Variants in IFNLR1 observed in about 807,000 individuals in gnomAD.
IFNLR1 encodes the protein CRF2-12.
In IFNLR1, 28 loss-of-function variants were observed where a neutral mutation model predicts 52.5. The observed-to-expected ratio is 0.53, with a 90% CI of 0.40 to 0.73. The LOEUF (loss-of-function observed/expected upper bound fraction) is 0.73, where lower values mean the gene tolerates loss of function less well. Ranked by LOEUF, IFNLR1 falls within the 30% of genes least tolerant of loss-of-function variation. The pLI, the probability that IFNLR1 is intolerant of heterozygous loss-of-function variation, is 0.00. For synonymous variants in IFNLR1, 276 were observed against 274.9 expected (o/e 1.00, Z -0.04); for missense variants, 623 against 659.1 (o/e 0.95, Z 0.60).
At position 24,157,206 on chromosome 1, in the gene IFNLR1, G is replaced by A. The variant is rs575575280; in HGVS notation, c.1487C>T (p.Ala496Val). The change falls in exon 7 of 7, where the codon GCG (alanine) becomes GTG (valine). Residue 496 changes from alanine to valine, a missense_variant. Transcript: ENST00000327535. The surrounding 1 kb of genome is among the most constrained non-coding windows in gnomAD (Gnocchi z 5.1). ...GGTGCTCTCAGCCCCCCAGCTGCCC[G>A]CATCGCTGTCCTCAATTTCTGATTC... ...ARESEIEDSD[A>V]GSWGAESTQR... 1.6e-5 allele frequency: 26 copies of A among 1,614,134 alleles called. No individual in the cohort carries two copies. Among genetic ancestry groups the A allele is most frequent in the African/African-American group, 9.3e-5 (7 of 75,030 alleles).
Position 24,157,151 on chromosome 1 carries a change from C to A in IFNLR1, c.1542G>T (p.Leu514Phe), listed in dbSNP as rs753765346. 1 of 1,612,032 alleles carries A rather than the reference C, an allele frequency of 6.2e-7. No individual in the cohort carries two copies. Among genetic ancestry groups the A allele is most frequent in the African/African-American group, 1.3e-5 (1 of 75,004 alleles). Residue 514 changes from leucine (L) to phenylalanine (F), a missense_variant, in exon 7 of 7, where the codon TTG (leucine) becomes TTT (phenylalanine). By Grantham distance (22) the Leu-to-Phe change is conservative (BLOSUM62 0). Transcript: ENST00000327535. This position sits in a 1 kb window ranked among gnomAD's most constrained non-coding sequence, Gnocchi z 5.1. ...CAGCTCACCTGGCCATGTAATGCCC[C>A]AATGTCCGGCCCCTGTCCTCGGTCC... is the stretch of plus-strand genomic sequence containing the variant. ...TQRTEDRGRT[L>F]GHYMAR
chr1:24,169,577 G>C lies in IFNLR1; in HGVS notation c.207C>G (p.Arg69=). Reference sequence around the variant, plus strand: ...TGGTTCCCGCACACTCTTCCACTTCGCGCCACCGTCTACGGGTGGGAGAGC... The same window carrying C: ...TGGTTCCCGCACACTCTTCCACTTCCCGCCACCGTCTACGGGTGGGAGAGC... ...YQSSPTRRRW[R]EVEECAGTKE... is the part of the protein sequence containing the mutation. The change falls in exon 3 of 7, where the codon CGC becomes CGG. Residue 69 remains arginine (R), a synonymous_variant. Coordinates refer to ENST00000327535, the MANE Select transcript of IFNLR1 (RefSeq NM_170743.4). 1 of 1,613,902 alleles carries C rather than the reference G, an allele frequency of 6.2e-7. No individual in the cohort carries two copies. The highest frequency in any genetic ancestry group is 8.5e-7 in the Non-Finnish European group (1 of 1,179,890).
intron 4 of IFNLR1, among the ~76,000 whole-genome samples, chr1:24,160,481 A>G (rs1644430986): frequency 6.6e-6 from 1 of 152,210 alleles, no homozygotes; most frequent in African/African-American, 2.4e-5. Flanking sequence ...TTTTTACTTA[A>G]TTTAACATGG....
At chr1:24,161,883 A>G (rs1201774205) in intron 3 of IFNLR1, among the ~76,000 whole-genome samples, 199 bp from the exon 4 acceptor site, 1 of 152,200 alleles carries the variant, frequency 6.6e-6, no homozygotes, top group Non-Finnish European at 1.5e-5. Flanking sequence ...CATTTCATAG[A>G]GAGGAAAACT....
At chr1:24,172,356 AACTGGAACCTGAT>A (rs1192138379) in intron 2 of IFNLR1, among the ~76,000 whole-genome samples, 1 of 152,186 alleles carries the variant, frequency 6.6e-6, no homozygotes. Context: ...AACAGATCAA[AACTGGAACCTGAT>A]ACTTCAAAAT....
intron 4 of IFNLR1, chr1:24,161,246 T>C (rs546425379): frequency 3.6e-6 from 2 of 552,932 alleles, no homozygotes; most frequent in East Asian, 3.0e-5. Context: ...AAATCTGAAA[T>C]TGGATATACA....
chr1:24,186,160 A>G (rs746767698), intron 1 of IFNLR1, among the ~76,000 whole-genome samples: 1 of 152,092 alleles, frequency 6.6e-6, no homozygotes, highest in Non-Finnish European at 1.5e-5. Flanking sequence ...TCAGCCACAG[A>G]GAACGCTGCT....
intron 5 of IFNLR1, 141 bp from the exon 6 acceptor site, chr1:24,159,323 T>C (rs4649194): frequency 1 from 1,275,367 of 1,277,126 alleles, 636,809 homozygotes; most frequent in East Asian, 1. Context: ...AACCAAGGTT[T>C]GGGGCATTAT....
chr1:24,172,458 A>G (rs1259717740), intron 2 of IFNLR1, among the ~76,000 whole-genome samples: 3 of 152,142 alleles, frequency 2.0e-5, no homozygotes, highest in Admixed American at 6.5e-5. Context: ...GACACAGAAA[A>G]GAATTATATA....
At chr1:24,162,864 TTTCTTTCTTTCTTTCC>T (rs1644472769) in intron 3 of IFNLR1, among the ~76,000 whole-genome samples, 1 of 74,790 alleles carries the variant, frequency 1.3e-5, no homozygotes, top group Admixed American at 1.3e-4. Flanking sequence ...TCTTTCTTTC[TTTCTTTCTTTCTTTCC>T]TTCCTTCCTT....
intron 6 of IFNLR1, 75 bp downstream of exon 6, chr1:24,158,977 C>A: frequency 6.9e-7 from 1 of 1,447,936 alleles, no homozygotes; most frequent in Non-Finnish European, 9.5e-7. Context: ...TCTATCTGAA[C>A]AACTCATAGC....
chr1:24,173,803 C>A (rs1644605330), intron 2 of IFNLR1, among the ~76,000 whole-genome samples: 1 of 149,638 alleles, frequency 6.7e-6, no homozygotes, highest in Non-Finnish European at 1.5e-5. Flanking sequence ...TGTACGCCAC[C>A]ATGCCTGGCT....
Position 24,156,931 on chromosome 1 carries a change from A to G in IFNLR1, c.*199T>C. The stretch of plus-strand genomic sequence containing the variant: ...GTCCACCCCTCTTATAGCTCAGCCT[A>G]AAGAGGGCGGGTCACAGGAGGGAGG... On this transcript the variant is annotated 3_prime_UTR_variant, in exon 7 of 7. Coordinates refer to ENST00000327535, the MANE Select transcript of IFNLR1 (RefSeq NM_170743.4). 4.9e-6 allele frequency: 3 copies of G among 612,210 alleles called. No homozygotes were observed. The highest frequency in any genetic ancestry group is 8.5e-6 in the Non-Finnish European group (3 of 351,816). 37.9% of individuals were successfully genotyped at this position (612,210 alleles called of 1,614,324 possible). A position where few individuals can be genotyped will look rare whatever the true frequency, so the allele number is the denominator to read the frequency against.
Position 24,157,374 on chromosome 1 carries a change from A to G in IFNLR1, c.1319T>C (p.Leu440Pro), listed in dbSNP as rs1466876385. Residue 440 changes from leucine (L) to proline (P), a missense_variant, in exon 7 of 7, where the codon CTC becomes CCC. Transcript: ENST00000327535. This position sits in a 1 kb window ranked among gnomAD's most constrained non-coding sequence, Gnocchi z 5.1. ...CCAGGAGGAGAGGTTATCTTCTGGGAGCTCTTCCAGGAAACCCGAGTCCTT... is the reference window on the plus strand; with the variant it reads ...CCAGGAGGAGAGGTTATCTTCTGGGGGCTCTTCCAGGAAACCCGAGTCCTT... ...FSKDSGFLEE[L>P]PEDNLSSWAT... 6.2e-7 allele frequency: 1 copy of G among 1,613,882 alleles called. No homozygotes were observed. The highest frequency in any genetic ancestry group is 8.5e-7 in the Non-Finnish European group (1 of 1,180,022).
intron 1 of IFNLR1, among the ~76,000 whole-genome samples, chr1:24,183,854 A>C (rs1004284552): frequency 8.5e-5 from 13 of 152,212 alleles, no homozygotes; most frequent in African/African-American, 2.9e-4. Flanking sequence ...CTCAGCCTCC[A>C]GAGTAGCTGG....
intron 2 of IFNLR1, among the ~76,000 whole-genome samples, chr1:24,170,912 C>T (rs771858244): frequency 1.3e-5 from 2 of 152,140 alleles, no homozygotes; most frequent in African/African-American, 2.4e-5. Context: ...ACACAAAGAT[C>T]AGATTTTGAG....
rs190772587 is a variant in IFNLR1, at chr1:24,166,702, G to A, written c.367+2715C>T. 4.9e-3 allele frequency among the ~76,000 whole-genome samples: 745 copies of A among 150,936 alleles called. 6 individuals are homozygous for A. The highest frequency in any genetic ancestry group is 0.017 in the African/African-American group (711 of 41,192). On this transcript the variant is annotated intron_variant, in intron 3 of 6. Transcript: ENST00000327535. ...GCTGGGACCACAGGTGCCCACCACC[G>A]TACCCAGCGAATTTAATTTTTTTTT...
intron 4 of IFNLR1, 95 bp from the exon 5 acceptor site, chr1:24,159,728 T>TTTTTTTTTTTTGTTTTG (rs1644421772): frequency 2.0e-5 from 16 of 814,436 alleles, no homozygotes; most frequent in African/African-American, 4.6e-5. Flanking sequence ...GGTAGGGTGT[T>TTTTTTTTTTTTGTTTTG]TTTTTTTTGT....
At chr1:24,176,457 T>C (rs988380900) in intron 2 of IFNLR1, among the ~76,000 whole-genome samples, 1 of 152,246 alleles carries the variant, frequency 6.6e-6, no homozygotes, top group African/African-American at 2.4e-5. Flanking sequence ...TTGTATACTT[T>C]AAAATGGGAA....
Sources: gnomAD v4.1 joint callset for allele counts (sites outside exome capture counted in the v4.1 genomes callset) on GRCh38, gnomAD v4.1.1 for gene constraint, Gnocchi (gnomAD v3.1) non-coding constraint, MANE v1.5 for transcripts, NCBI Gene and HGNC (gene_info 2026-07-23, HGNC 2026-07-21) for gene names.